ASTN2: variants seen among roughly 807,000 people sequenced by gnomAD.
The protein encoded by ASTN2 is astrotactin-2.
A neutral mutation model predicts 139.8 loss-of-function variants in ASTN2; 54 were observed. That is an observed-to-expected ratio of 0.39 (90% CI 0.31 to 0.48). The LOEUF (loss-of-function observed/expected upper bound fraction) is 0.48. ASTN2 is among the 20% of genes least tolerant of loss of function. The pLI is 0.95. For synonymous variants in ASTN2, 756 were observed against 719.5 expected (o/e 1.05, Z -0.81); for missense variants, 1,565 against 1,725.1 (o/e 0.91, Z 1.64).
intron 6 of ASTN2, among the ~76,000 whole-genome samples, chr9:117,010,804 G>T (rs564116942): frequency 4.6e-5 from 7 of 152,258 alleles, no homozygotes; most frequent in African/African-American, 1.4e-4. Flanking sequence ...CTGATCCCAT[G>T]GGGAGATCTG....
At chr9:116,933,669 T>C (rs1038819792) in intron 10 of ASTN2, among the ~76,000 whole-genome samples, 2 of 150,880 alleles carry the variant, frequency 1.3e-5, no homozygotes, top group African/African-American at 4.9e-5. Flanking sequence ...AAAAAGGCAA[T>C]GAAAATTCAG....
chr9:116,463,576 G>C (rs951524744), intron 20 of ASTN2, among the ~76,000 whole-genome samples: 1 of 152,078 alleles, frequency 6.6e-6, no homozygotes, highest in African/African-American at 2.4e-5. Context: ...CACCTCTCTG[G>C]GGCACTTCCA....
chr9:116,667,235 C>T (rs945450336), intron 16 of ASTN2, among the ~76,000 whole-genome samples: 1 of 151,756 alleles, frequency 6.6e-6, no homozygotes, highest in Non-Finnish European at 1.5e-5. Context: ...GGATTACAGG[C>T]GTGAACCACC....
chr9:116,683,073 T>G (rs1244548737), intron 16 of ASTN2, among the ~76,000 whole-genome samples: 1 of 150,630 alleles, frequency 6.6e-6, no homozygotes, highest in Non-Finnish European at 1.5e-5. Flanking sequence ...AAAAAAAAAG[T>G]GTGGCTGCCC....
chr9:117,381,796 C>T (rs1423606221), intron 1 of ASTN2, among the ~76,000 whole-genome samples: 1 of 152,054 alleles, frequency 6.6e-6, no homozygotes, highest in Non-Finnish European at 1.5e-5. Context: ...AATTTTACAC[C>T]TTTAATAGGG....
chr9:117,406,759 C>T (rs2130972007), intron 1 of ASTN2, among the ~76,000 whole-genome samples: 1 of 152,112 alleles, frequency 6.6e-6, no homozygotes, highest in African/African-American at 2.4e-5. Context: ...ACTCTCGATT[C>T]TCTTTTCCCT....
chr9:116,809,062 T>C (rs1258325286), intron 12 of ASTN2, among the ~76,000 whole-genome samples: 1 of 152,152 alleles, frequency 6.6e-6, no homozygotes, highest in Non-Finnish European at 1.5e-5. Flanking sequence ...TCCATATATA[T>C]TAAAATTTTT....
At chr9:116,652,192 G>A (rs752255444) in intron 16 of ASTN2, among the ~76,000 whole-genome samples, 15 of 152,088 alleles carry the variant, frequency 9.9e-5, no homozygotes, top group Non-Finnish European at 2.1e-4. Context: ...CAAGCGTGGG[G>A]TTATGTACCT....
chr9:117,296,533 A>T (rs1312136701), intron 1 of ASTN2, among the ~76,000 whole-genome samples: 2 of 151,814 alleles, frequency 1.3e-5, no homozygotes, highest in African/African-American at 2.4e-5. Flanking sequence ...CTCTTCCCCT[A>T]CTCCTTCCAT....
At chr9:116,721,032 C>T (rs1277913978) in intron 16 of ASTN2, among the ~76,000 whole-genome samples, 3 of 152,190 alleles carry the variant, frequency 2.0e-5, no homozygotes, top group Non-Finnish European at 4.4e-5. Context: ...CAAACATACA[C>T]ACCTGGGAAC....
At chr9:117,204,023 G>T (rs1588076328) in intron 3 of ASTN2, among the ~76,000 whole-genome samples, 1 of 152,182 alleles carries the variant, frequency 6.6e-6, no homozygotes, top group African/African-American at 2.4e-5. Flanking sequence ...GGTCCAGGGA[G>T]ATCTGAATTC....
chr9:116,710,431 G>A (rs956521109), intron 16 of ASTN2, among the ~76,000 whole-genome samples: 9 of 151,740 alleles, frequency 5.9e-5, no homozygotes, highest in African/African-American at 1.9e-4. Flanking sequence ...TTCATATTAC[G>A]ATAAATGACA....
intron 1 of ASTN2, among the ~76,000 whole-genome samples, chr9:117,296,074 T>C (rs1305826725): frequency 6.6e-6 from 1 of 151,490 alleles, no homozygotes; most frequent in African/African-American, 2.4e-5. Context: ...GGTCAAGAGT[T>C]CGAGACCAGC....
chr9:116,681,898 G>T (rs995622300), intron 16 of ASTN2, among the ~76,000 whole-genome samples: 6 of 150,186 alleles, frequency 4.0e-5, no homozygotes, highest in African/African-American at 1.5e-4. Flanking sequence ...AGACTTAAAC[G>T]TTAGACCTAA....
chr9:116,699,879 C>G lies in ASTN2; in HGVS notation c.2806+25892G>C, dbSNP rs1046346181. ...TTTTTATTTGTTATGTCCCCCTCCC[C>G]GCTTCCCACCTAAATTTAGAGCTTT... On this transcript the variant is annotated intron_variant, in intron 16 of 22. Transcript: ENST00000313400. The surrounding 1 kb of genome is among the most constrained non-coding windows in gnomAD (Gnocchi z 4.2). The G allele has an allele frequency of 1.2e-6, 1 of 816,540 alleles. No homozygotes were observed. The highest frequency in any genetic ancestry group is 1.8e-5 in the South Asian group (1 of 54,996). 50.6% of individuals were successfully genotyped at this position (816,540 alleles called of 1,614,324 possible). A position where few individuals can be genotyped will look rare whatever the true frequency, so the allele number is the denominator to read the frequency against.
At chr9:117,323,356 T>TACC (rs58313578) in intron 1 of ASTN2, among the ~76,000 whole-genome samples, 1 of 151,208 alleles carries the variant, frequency 6.6e-6, no homozygotes, top group African/African-American at 2.4e-5. Flanking sequence ...CCTCAAAGAC[T>TACC]ACCACCACCA....
intron 3 of ASTN2, among the ~76,000 whole-genome samples, chr9:117,161,387 G>C (rs79082643): frequency 3.3e-5 from 5 of 151,512 alleles, no homozygotes; most frequent in Non-Finnish European, 5.9e-5. Flanking sequence ...AAGAAAAGGC[G>C]TTTTTTTTCT....
chr9:116,704,960 A>C (rs1827954207), intron 16 of ASTN2, among the ~76,000 whole-genome samples: 1 of 152,200 alleles, frequency 6.6e-6, no homozygotes, highest in African/African-American at 2.4e-5. Flanking sequence ...TTTTTTTTAA[A>C]ACCTTAGAAA....
chr9:117,395,978 C>T (rs563213830), intron 1 of ASTN2, among the ~76,000 whole-genome samples: 9 of 152,144 alleles, frequency 5.9e-5, no homozygotes, highest in Non-Finnish European at 1.2e-4. Context: ...CTAACATGCT[C>T]GGCAACTTTA....
Sources: gnomAD v4.1 joint callset for allele counts (sites outside exome capture counted in the v4.1 genomes callset) on GRCh38, gnomAD v4.1.1 for gene constraint, Gnocchi (gnomAD v3.1) non-coding constraint, MANE v1.5 for transcripts, NCBI Gene and HGNC (gene_info 2026-07-23, HGNC 2026-07-21) for gene names.